Variants in TMTC2 observed in about 807,000 individuals in gnomAD.
The protein encoded by TMTC2 is transmembrane O-mannosyltransferase targeting cadherins 2.
TMTC2 carries 43 observed loss-of-function variants against 82.4 expected under a neutral mutation model. The ratio of observed to expected loss-of-function variants is 0.52; its 90% CI spans 0.41 to 0.67. The LOEUF (loss-of-function observed/expected upper bound fraction) is 0.67, where lower values mean the gene tolerates loss of function less well. Among genes scored for constraint, TMTC2 ranks in the 30% least tolerant of loss-of-function variants. The pLI is 0.00. For missense variants in TMTC2, 919 were observed against 1,012.4 expected, an observed-to-expected ratio of 0.91 and a Z score of 1.25; for synonymous variants, 408 against 381.9, an observed-to-expected ratio of 1.07 and a Z score of -0.80.
intron 11 of TMTC2, among the ~76,000 whole-genome samples, chr12:83,122,584 A>G (rs922534257): frequency 6.6e-6 from 1 of 151,906 alleles, no homozygotes; most frequent in Admixed American, 6.6e-5. Context: ...CGTAATCAAG[A>G]TTTTCATTTT....
chr12:82,999,901 G>A (rs1052793926), intron 8 of TMTC2, among the ~76,000 whole-genome samples: 1 of 152,150 alleles, frequency 6.6e-6, no homozygotes, highest in African/African-American at 2.4e-5. Context: ...CTTCCCAACA[G>A]TCTCCCAAAG....
chr12:82,742,954 C>T (rs1875495601), intron 1 of TMTC2, among the ~76,000 whole-genome samples: 1 of 152,196 alleles, frequency 6.6e-6, no homozygotes. Flanking sequence ...TTGTTTTCTA[C>T]GTAGACAGTT....
At chr12:82,719,023 A>G (rs572765448) in intron 1 of TMTC2, among the ~76,000 whole-genome samples, 12 of 145,886 alleles carry the variant, frequency 8.2e-5, no homozygotes, top group African/African-American at 3.0e-4. Context: ...GTGCTAGTAT[A>G]TAGAGCTTAA....
chr12:83,076,815 C>A (rs1469919714), intron 11 of TMTC2, among the ~76,000 whole-genome samples: 1 of 152,162 alleles, frequency 6.6e-6, no homozygotes, highest in Non-Finnish European at 1.5e-5. Context: ...TCTTTTTCTG[C>A]TTCTTTACCT....
At chr12:83,043,688 A>G (rs1488512372) in intron 9 of TMTC2, among the ~76,000 whole-genome samples, 1 of 152,178 alleles carries the variant, frequency 6.6e-6, no homozygotes, top group Non-Finnish European at 1.5e-5. Flanking sequence ...CTCTCCTCTA[A>G]TAAAATGGAA....
chr12:83,060,849 A>G (rs146482663), intron 10 of TMTC2, among the ~76,000 whole-genome samples: 200 of 151,946 alleles, frequency 1.3e-3, no homozygotes, highest in African/African-American at 4.6e-3. Context: ...TGTGAATCAC[A>G]GGAATAGGCA....
At chr12:83,110,071 C>T (rs556929817) in intron 11 of TMTC2, among the ~76,000 whole-genome samples, 1 of 152,282 alleles carries the variant, frequency 6.6e-6, no homozygotes, top group East Asian at 1.9e-4. Context: ...AGCTGACGAC[C>T]TTGCTTTTCT....
intron 7 of TMTC2, among the ~76,000 whole-genome samples, chr12:82,973,792 A>G (rs1037140070): frequency 3.3e-5 from 5 of 152,172 alleles, no homozygotes; most frequent in African/African-American, 1.2e-4. Context: ...TAATGCCTAT[A>G]GTAGGATTGC....
chr12:83,035,935 T>G (rs554547809), intron 9 of TMTC2, among the ~76,000 whole-genome samples: 1 of 152,280 alleles, frequency 6.6e-6, no homozygotes, highest in Non-Finnish European at 1.5e-5. Context: ...ATATAAATTT[T>G]GGCACATGGG....
chr12:83,005,118 C>T (rs1324344417), intron 8 of TMTC2, among the ~76,000 whole-genome samples: 2 of 150,480 alleles, frequency 1.3e-5, no homozygotes, highest in Admixed American at 6.6e-5. Context: ...GCAGGAGAAT[C>T]ACTTGAACTC....
At chr12:82,785,390 A>G (rs1315714740) in intron 1 of TMTC2, among the ~76,000 whole-genome samples, 36 of 147,806 alleles carry the variant, frequency 2.4e-4, no homozygotes, top group African/African-American at 8.7e-4. Flanking sequence ...CAAAAGAAAC[A>G]AATAACAAAA....
rs898929649 is a variant in TMTC2 at position 82,920,517 on chromosome 12, C to T, written c.1484-9914C>T. On this transcript the variant is annotated intron_variant, in intron 3 of 11. Coordinates refer to ENST00000321196, the MANE Select transcript of TMTC2 (RefSeq NM_152588.3). ...GTGGACTAAGTACAAGAGAAGCTTTCATTGTGAATTAACATCAAGTTTCTT... is the reference window on the plus strand; with the variant it reads ...GTGGACTAAGTACAAGAGAAGCTTTTATTGTGAATTAACATCAAGTTTCTT... 4.6e-5 allele frequency among the ~76,000 whole-genome samples: 7 copies of T among 152,270 alleles called. 1 individual carries two copies. In the East Asian group the frequency reaches 9.7e-4, roughly 21 times the overall value.
intron 1 of TMTC2, among the ~76,000 whole-genome samples, chr12:82,712,329 C>G (rs555317984): frequency 9.4e-5 from 14 of 149,530 alleles, no homozygotes; most frequent in Non-Finnish European, 1.9e-4. Flanking sequence ...ACTCGGGAGG[C>G]TGAGGTAGGA....
intron 11 of TMTC2, among the ~76,000 whole-genome samples, chr12:83,106,556 T>C (rs557835613): frequency 2.0e-5 from 3 of 149,404 alleles, no homozygotes; most frequent in East Asian, 2.0e-4. Context: ...ACACACCAAG[T>C]TGAATAAATA....
chr12:82,828,211 C>CTTTTTTTTTTTTTTTTTTTTTTTTT (rs58399725), intron 1 of TMTC2, among the ~76,000 whole-genome samples: 1 of 109,680 alleles, frequency 9.1e-6, no homozygotes. Flanking sequence ...TTTTCTTTGG[C>CTTTTTTTTTTTTTTTTTTTTTTTTT]TTTTTTTTTT....
intron 8 of TMTC2, among the ~76,000 whole-genome samples, chr12:83,011,633 C>T (rs185596861): frequency 3.2e-4 from 49 of 152,308 alleles, no homozygotes; most frequent in Admixed American, 3.2e-3. Flanking sequence ...TCCATTCACT[C>T]ATTCTTTGTC....
intron 11 of TMTC2, among the ~76,000 whole-genome samples, chr12:83,065,465 G>A (rs1882885699): frequency 6.6e-6 from 1 of 151,856 alleles, no homozygotes; most frequent in South Asian, 2.1e-4. Context: ...AAAATACATA[G>A]TTAGAGAAGT....
chr12:82,965,443 T>C lies in TMTC2; in HGVS notation c.1685-117T>C, dbSNP rs552032213. 4.4e-5 allele frequency: 47 copies of C among 1,062,770 alleles called. No individual in the cohort carries two copies. In the East Asian group the frequency reaches 1.2e-3, roughly 27 times the overall value. 65.8% of individuals were successfully genotyped at this position (1,062,770 alleles called of 1,614,324 possible). ...CCCATGAGTATTTGTGTCATAAGTA[T>C]TTTTTTCTTTTTTAATGAGCACTAA... is the stretch of plus-strand genomic sequence containing the variant. On this transcript the variant is annotated intron_variant, in intron 5 of 11. Transcript: ENST00000321196.
intron 11 of TMTC2, among the ~76,000 whole-genome samples, chr12:83,076,138 C>G (rs1456254335): frequency 6.6e-6 from 1 of 152,098 alleles, no homozygotes; most frequent in East Asian, 1.9e-4. Context: ...TTTTTCCAGG[C>G]TTGGGGTATT....
Sources: allele counts gnomAD v4.1 joint callset (sites outside exome capture counted in the v4.1 genomes callset), GRCh38; gene constraint gnomAD v4.1.1; transcripts MANE v1.5; gene names NCBI Gene and HGNC (gene_info 2026-07-23, HGNC 2026-07-21).